NAF1: variants seen among roughly 807,000 people sequenced by gnomAD.
NAF1 encodes the protein nuclear assembly factor 1 ribonucleoprotein.
A neutral mutation model predicts 40.6 loss-of-function variants in NAF1; 11 were observed. That is an observed-to-expected ratio of 0.27 (90% CI 0.17 to 0.45). NAF1 has a LOEUF of 0.45. Among genes scored for constraint, NAF1 ranks in the 20% least tolerant of loss-of-function variants. The pLI is 1.00. For missense variants in NAF1, 607 were observed against 611.1 expected (o/e 0.99, Z 0.07); for synonymous variants, 260 against 228.5 (o/e 1.14, Z -1.24).
chr4:163,119,020 T>C (rs1351678106), intron 2 of NAF1, among the ~76,000 whole-genome samples: 1 of 152,238 alleles, frequency 6.6e-6, no homozygotes, highest in African/African-American at 2.4e-5. Context: ...AAGACTTATA[T>C]ATAAACTTTC....
At chr4:163,149,035 TTCTC>T (rs1006923060) in intron 2 of NAF1, among the ~76,000 whole-genome samples, 7 of 152,176 alleles carry the variant, frequency 4.6e-5, no homozygotes, top group South Asian at 2.1e-4. Flanking sequence ...GCCTGATACC[TTCTC>T]TCTCTAGGTT....
rs151074878 is a variant in NAF1 at position 163,112,727 on chromosome 4, T to C, written c.115-2437A>G. Reference sequence around the variant, plus strand: ...TTTTTGTGAAGAGGGATGTGGATGATACAGCTCTATGTCCACCCAATAAAA... The same window carrying C: ...TTTTTGTGAAGAGGGATGTGGATGACACAGCTCTATGTCCACCCAATAAAA... On this transcript the variant is annotated intron_variant, in intron 2 of 2. Transcript: ENST00000509434. 3.2e-3 allele frequency among the ~76,000 whole-genome samples: 486 copies of C among 152,286 alleles called. 3 individuals are homozygous for C. The highest frequency in any genetic ancestry group is 0.011 in the African/African-American group (466 of 41,556).
At chr4:163,126,680 CA>C, downstream of NAF1, 1 of 184,842 alleles carries the variant, frequency 5.4e-6, no homozygotes. Context: ...GACTTGATCC[CA>C]AATTTCAAAG....
chr4:163,115,442 C>A (rs546665683), intron 2 of NAF1, among the ~76,000 whole-genome samples: 30 of 151,892 alleles, frequency 2.0e-4, no homozygotes, highest in Non-Finnish European at 4.0e-4. Flanking sequence ...GTGATCCACC[C>A]GCCTCGGCCT....
At position 163,166,392 on chromosome 4, in the gene NAF1, C is replaced by G. The variant is rs746528513; in HGVS notation, c.336G>C (p.Glu112Asp). 4 of 1,607,060 alleles carry G rather than the reference C, an allele frequency of 2.5e-6. No individual in the cohort carries two copies. The highest frequency in any genetic ancestry group is 1.7e-5 in the Admixed American group (1 of 59,504). The change falls in exon 1 of 8, where the codon GAG becomes GAC. Residue 112 changes from glutamate to aspartate, a missense_variant. By Grantham distance (45) the Glu-to-Asp change is conservative (BLOSUM62 2). This residue lies in a region of NAF1 where 407 missense variants were observed against 365.5 expected (regional missense o/e 1.11). Transcript: ENST00000274054. ...AEPARAPDSL[E>D]TSDSDSDSDS... Reference sequence around the variant, plus strand: ...CCGAGTCCGAATCCGAGTCCGAGGTCTCCAAGGAGTCCGGCGCCCGCGCAG... The same window carrying G: ...CCGAGTCCGAATCCGAGTCCGAGGTGTCCAAGGAGTCCGGCGCCCGCGCAG...
At chr4:163,106,032 C>T (rs1371653864), downstream of NAF1, among the ~76,000 whole-genome samples, 1 of 152,086 alleles carries the variant, frequency 6.6e-6, no homozygotes, top group Non-Finnish European at 1.5e-5. Flanking sequence ...TTAGTCTAAT[C>T]ATTTAAAGGA....
chr4:163,143,938 T>C, intron 4 of NAF1: 3 of 735,604 alleles, frequency 4.1e-6, no homozygotes, highest in Non-Finnish European at 5.0e-6. Flanking sequence ...AAACTGATCA[T>C]TTCAATCACT....
intron 2 of NAF1, among the ~76,000 whole-genome samples, chr4:163,152,701 G>C (rs2045995): frequency 0.81 from 122,655 of 152,240 alleles, 49,467 homozygotes; most frequent in South Asian, 0.85. Context: ...TCACAGCCCT[G>C]GCTCACTCTC....
downstream of NAF1, among the ~76,000 whole-genome samples, chr4:163,106,244 T>C (rs1730048262): frequency 1.3e-5 from 2 of 152,206 alleles, no homozygotes; most frequent in Admixed American, 6.5e-5. Context: ...ATTACATTAT[T>C]TCAAACTAAG....
intron 3 of NAF1, among the ~76,000 whole-genome samples, chr4:163,147,198 C>A (rs977314762): frequency 1.3e-5 from 2 of 151,910 alleles, no homozygotes. Context: ...TGAAAAAGTA[C>A]AAAATTATGT....
At chr4:163,107,790 A>T (rs1407251437), downstream of NAF1, among the ~76,000 whole-genome samples, 1 of 151,946 alleles carries the variant, frequency 6.6e-6, no homozygotes, top group Non-Finnish European at 1.5e-5. Flanking sequence ...CTTTTTAGAT[A>T]TTTTTTCCCT....
intron 5 of NAF1, 48 bp from the exon 6 acceptor site, chr4:163,137,298 A>G: frequency 6.4e-7 from 1 of 1,569,648 alleles, no homozygotes; most frequent in Non-Finnish European, 8.6e-7. Flanking sequence ...TCACAATTCT[A>G]TTAAGTGCTC....
downstream of NAF1, among the ~76,000 whole-genome samples, chr4:163,122,904 T>A (rs1730555799): frequency 6.6e-6 from 1 of 152,210 alleles, no homozygotes; most frequent in Non-Finnish European, 1.5e-5. Context: ...ACCCAGTCTG[T>A]GATATTCTGA....
downstream of NAF1, among the ~76,000 whole-genome samples, chr4:163,109,801 T>C (rs1019237981): frequency 6.6e-6 from 1 of 152,194 alleles, no homozygotes; most frequent in Non-Finnish European, 1.5e-5. Context: ...TGCATAGATA[T>C]AGAGATTACT....
intron 4 of NAF1, among the ~76,000 whole-genome samples, chr4:163,142,388 C>T (rs959794279): frequency 6.6e-6 from 1 of 152,120 alleles, no homozygotes; most frequent in Non-Finnish European, 1.5e-5. Flanking sequence ...AGACTGTTTC[C>T]CAGGGATTTG....
chr4:163,153,977 G>A (rs900485619), intron 2 of NAF1, among the ~76,000 whole-genome samples: 28 of 151,942 alleles, frequency 1.8e-4, no homozygotes, highest in Admixed American at 1.7e-3. Flanking sequence ...CCACTGGGAG[G>A]AACAAACAAC....
chr4:163,143,245 A>G (rs1242148496), intron 4 of NAF1, among the ~76,000 whole-genome samples: 3 of 152,154 alleles, frequency 2.0e-5, no homozygotes, highest in African/African-American at 7.2e-5. Flanking sequence ...TATTTTTGCT[A>G]CAAGATCTCC....
At chr4:163,146,920 CATT>C in intron 3 of NAF1, among the ~76,000 whole-genome samples, 1 of 152,258 alleles carries the variant, frequency 6.6e-6, no homozygotes, top group South Asian at 2.1e-4. Context: ...AAATGACATG[CATT>C]ATTCCATGTA....
chr4:163,108,450 C>A (rs1425930670), downstream of NAF1, among the ~76,000 whole-genome samples: 1 of 152,164 alleles, frequency 6.6e-6, no homozygotes, highest in African/African-American at 2.4e-5. Context: ...TCTTACTCCC[C>A]AACTTCAATT....
Sources: gnomAD v4.1 joint callset for allele counts (sites outside exome capture counted in the v4.1 genomes callset) on GRCh38, gnomAD v4.1.1 for gene constraint, gnomAD v4.1.1 regional missense constraint, MANE v1.5 for transcripts, NCBI Gene and HGNC (gene_info 2026-07-23, HGNC 2026-07-21) for gene names.